TMEM131: variants seen among roughly 807,000 people sequenced by gnomAD.
TMEM131 encodes the protein transmembrane protein 131, also known as 2610524E03Rik.
A neutral mutation model predicts 211.6 loss-of-function variants in TMEM131; 66 were observed. The ratio of observed to expected loss-of-function variants is 0.31; its 90% CI spans 0.26 to 0.38. The LOEUF (loss-of-function observed/expected upper bound fraction) is 0.38, where lower values mean the gene tolerates loss of function less well. Among genes scored for constraint, TMEM131 ranks in the 10% least tolerant of loss-of-function variants. The pLI is 1.00. For synonymous variants in TMEM131, 844 were observed against 841.3 expected (o/e 1.00, Z -0.06); for missense variants, 2,036 against 2,299.3 (o/e 0.89, Z 2.34).
At chr2:97,962,468 C>A (rs1678863355) in intron 1 of TMEM131, among the ~76,000 whole-genome samples, 1 of 152,114 alleles carries the variant, frequency 6.6e-6, no homozygotes, top group Admixed American at 6.6e-5. Flanking sequence ...AGCGCCACTG[C>A]ACTCCAGCCT....
chr2:97,864,218 C>G (rs2105195773), intron 4 of TMEM131, among the ~76,000 whole-genome samples: 1 of 152,114 alleles, frequency 6.6e-6, no homozygotes, highest in African/African-American at 2.4e-5. Context: ...GGATGGTTAC[C>G]AGAGGCTGGG....
At chr2:97,876,680 T>C (rs918868112) in intron 4 of TMEM131, among the ~76,000 whole-genome samples, 3 of 152,162 alleles carry the variant, frequency 2.0e-5, no homozygotes, top group Non-Finnish European at 2.9e-5. Context: ...GTCAATAAAC[T>C]AGGTATTGAT....
In TMEM131 at chr2:97,926,714, C is replaced by G. The variant is rs368792030; in HGVS notation, c.249+712G>C. Among the ~76,000 whole-genome samples the G allele has an allele frequency of 1.8e-4, 27 of 152,292 alleles. No individual in the cohort carries two copies. In the East Asian group the frequency reaches 3.5e-3, roughly 20 times the overall value. ...AGTGAATCACATCCCAGTTCACAAG[C>G]TTTTCCATAGCCAACTCCATCTAGA... On this transcript the variant is annotated intron_variant, in intron 2 of 40. Coordinates refer to ENST00000186436, the MANE Select transcript of TMEM131 (RefSeq NM_015348.2).
Position 97,792,456 on chromosome 2 carries a change from G to A in TMEM131, c.4074C>T (p.Phe1358=), listed in dbSNP as rs955057696. Residue 1358 remains phenylalanine, a synonymous_variant, in exon 31 of 41, where the codon TTC becomes TTT. Transcript: ENST00000186436. ...TSLIEAMDKD[F]DHHDSPALEV... ...CTAGGGCTGGGGAGTCATGGTGGTC[G>A]AAGTCTTTGTCCATGGCTTCTATGA... The A allele has an allele frequency of 1.2e-6, 2 of 1,613,332 alleles. No homozygotes were observed. The highest frequency in any genetic ancestry group is 2.7e-5 in the African/African-American group (2 of 74,920).
rs115803101 is a variant in TMEM131 at position 97,932,869 on chromosome 2, T to C, written c.188-5382A>G. 7.2e-3 allele frequency among the ~76,000 whole-genome samples: 1,059 copies of C among 147,874 alleles called. 8 individuals are homozygous for C. The highest frequency in any genetic ancestry group is 0.026 in the African/African-American group (1,006 of 38,756). The stretch of plus-strand genomic sequence containing the variant: ...AGGCTGACTGTTAAAACAAAGTATT[T>C]AAATGCAGTCATGTACCATGTAATG... On this transcript the variant is annotated intron_variant, in intron 1 of 40. Transcript: ENST00000186436.
chr2:97,807,929 T>G (rs1681385722), intron 19 of TMEM131, among the ~76,000 whole-genome samples: 1 of 152,162 alleles, frequency 6.6e-6, no homozygotes, highest in South Asian at 2.1e-4. Flanking sequence ...TAATTCAAAG[T>G]TTGTATTTTT....
chr2:97,864,247 G>A (rs1379254415), intron 4 of TMEM131, among the ~76,000 whole-genome samples: 5 of 152,240 alleles, frequency 3.3e-5, no homozygotes, highest in East Asian at 1.9e-4. Flanking sequence ...CAGCGGGGAT[G>A]GGTAGAAATG....
intron 1 of TMEM131, among the ~76,000 whole-genome samples, chr2:97,952,103 G>C (rs1678347316): frequency 6.6e-6 from 1 of 151,430 alleles, no homozygotes. Flanking sequence ...GGTGCAGTGA[G>C]CCAAGATCAC....
chr2:97,905,625 T>C (rs898036925), intron 3 of TMEM131, among the ~76,000 whole-genome samples: 1 of 152,198 alleles, frequency 6.6e-6, no homozygotes, highest in African/African-American at 2.4e-5. Context: ...TCACTAAGCT[T>C]TTCTTTTGCA....
chr2:97,968,764 T>G (rs1170887883), intron 1 of TMEM131, among the ~76,000 whole-genome samples: 1 of 152,148 alleles, frequency 6.6e-6, no homozygotes, highest in African/African-American at 2.4e-5. Context: ...TGAACCAGTT[T>G]GCTAAGGCAC....
chr2:97,941,190 C>G (rs1488642465), intron 1 of TMEM131, among the ~76,000 whole-genome samples: 1 of 152,180 alleles, frequency 6.6e-6, no homozygotes, highest in Non-Finnish European at 1.5e-5. Flanking sequence ...ACCATCTGAT[C>G]TTTGACAAAC....
chr2:97,850,184 C>T (rs6746768), intron 5 of TMEM131, among the ~76,000 whole-genome samples: 50,477 of 151,208 alleles, frequency 0.33, 9,246 homozygotes, highest in Non-Finnish European at 0.39. Context: ...ATGTTTTATA[C>T]CATACCAAGA....
chr2:97,944,200 G>T (rs1677929446), intron 1 of TMEM131, among the ~76,000 whole-genome samples: 1 of 152,156 alleles, frequency 6.6e-6, no homozygotes, highest in Non-Finnish European at 1.5e-5. Flanking sequence ...GCACTCAATT[G>T]ATGAATGCCA....
Position 97,844,160 on chromosome 2 carries a change from C to T in TMEM131, c.585G>A (p.Gly195=), listed in dbSNP as rs1683321989. 3 of 1,100,582 alleles carry T rather than the reference C, an allele frequency of 2.7e-6. No homozygotes were observed. Among genetic ancestry groups the T allele is most frequent in the Non-Finnish European group, 3.7e-6 (3 of 816,546 alleles). 68.2% of individuals were successfully genotyped at this position (1,100,582 alleles called of 1,614,324 possible). Residue 195 remains glycine, a synonymous_variant, in exon 6 of 41, where the codon GGG becomes GGA. Coordinates refer to ENST00000186436, the MANE Select transcript of TMEM131 (RefSeq NM_015348.2). ...TGGTTCTTACCTGGTAAGTAAATAC[C>T]CCATGATTAGATGTATTAATAAATA... The part of the protein sequence containing the change: ...NTLFINTSNH[G]VFTYQVFGVG...
chr2:97,872,041 G>A (rs929606398), intron 4 of TMEM131, among the ~76,000 whole-genome samples: 1 of 151,794 alleles, frequency 6.6e-6, no homozygotes, highest in Non-Finnish European at 1.5e-5. Flanking sequence ...AAAGAAAAGA[G>A]GGGGAGGGAA....
intron 35 of TMEM131, 25 bp from the exon 36 acceptor site, chr2:97,762,225 C>T (rs1036743998): frequency 1.1e-5 from 18 of 1,612,128 alleles, no homozygotes; most frequent in Middle Eastern, 1.6e-4. Flanking sequence ...CAAACGGGCT[C>T]GTTAGTGTGG....
intron 1 of TMEM131, among the ~76,000 whole-genome samples, chr2:97,991,557 C>T (rs1337149702): frequency 1.3e-5 from 2 of 152,092 alleles, no homozygotes; most frequent in Admixed American, 6.5e-5. Flanking sequence ...CAGTGTGCAC[C>T]AGCAGCTAGA....
intron 1 of TMEM131, among the ~76,000 whole-genome samples, chr2:97,928,299 G>T (rs1431590628): frequency 6.6e-6 from 1 of 152,158 alleles, no homozygotes; most frequent in Non-Finnish European, 1.5e-5. Context: ...ATAGTAAAAA[G>T]ATCAGTGGTT....
chr2:97,758,369 A>AGGTCCTTG (rs1678620972), intron 40 of TMEM131, among the ~76,000 whole-genome samples: 1 of 152,256 alleles, frequency 6.6e-6, no homozygotes, highest in Non-Finnish European at 1.5e-5. Context: ...TTCCTTGGCA[A>AGGTCCTTG]GAATACTCTT....
Sources: gnomAD v4.1 joint callset for allele counts (sites outside exome capture counted in the v4.1 genomes callset) on GRCh38, gnomAD v4.1.1 for gene constraint, MANE v1.5 for transcripts, NCBI Gene and HGNC (gene_info 2026-07-23, HGNC 2026-07-21) for gene names.